Variants in SP3 observed in about 807,000 individuals in gnomAD.
The protein encoded by SP3 is Sp3 transcription factor.
A neutral mutation model predicts 70.3 loss-of-function variants in SP3; 10 were observed. The ratio of observed to expected loss-of-function variants is 0.14; its 90% confidence interval spans 0.09 to 0.24. SP3 has a LOEUF of 0.24. SP3 is among the 10% of genes least tolerant of loss of function. SP3 has a pLI of 1.00. For synonymous variants in SP3, 402 were observed against 333.5 expected, an observed-to-expected ratio of 1.21 and a Z score of -2.24; for missense variants, 825 against 914.6, an observed-to-expected ratio of 0.90 and a Z score of 1.26.
rs1419368594 is a variant in SP3, at chr2:173,902,327, C to A, written c.*7614G>T. Among the ~76,000 whole-genome samples, 1 of 152,084 alleles carries A rather than the reference C, an allele frequency of 6.6e-6. No homozygotes were observed. The highest frequency in any genetic ancestry group is 1.5e-5 in the Non-Finnish European group (1 of 68,028). On this transcript the variant is annotated 3_prime_UTR_variant, in exon 7 of 7. Coordinates refer to ENST00000310015, the MANE Select transcript of SP3 (RefSeq NM_003111.5). ...ATTGGAAAAAACATATCTGCCAAGGCAGGATTGGGAGGGTATGGAAAAAAT... is the reference window on the plus strand; with the variant it reads ...ATTGGAAAAAACATATCTGCCAAGGAAGGATTGGGAGGGTATGGAAAAAAT...
Position 173,965,290 on chromosome 2 carries a change from G to C in SP3, c.-119C>G. On this transcript the variant is annotated 5_prime_UTR_variant, in exon 1 of 7. Coordinates refer to ENST00000310015, the MANE Select transcript of SP3 (RefSeq NM_003111.5). ...CGGCGGACACGGCCGGAGCGGTCCGGGGATTTTTTTTTCCTATTTTGATTG... is the reference window on the plus strand; with the variant it reads ...CGGCGGACACGGCCGGAGCGGTCCGCGGATTTTTTTTTCCTATTTTGATTG... 8.9e-6 allele frequency: 11 copies of C among 1,234,676 alleles called. No homozygotes were observed. Among genetic ancestry groups the C allele is most frequent in the East Asian group, 2.6e-5 (1 of 38,642 alleles). The allele number at this position is 1,234,676 out of a possible 1,614,324, so 76.5% of individuals were successfully genotyped here. A position where few individuals can be genotyped will look rare whatever the true frequency, so the allele number is the denominator to read the frequency against.
At chr2:173,927,438 G>C (rs528201619) in intron 4 of SP3, among the ~76,000 whole-genome samples, 6 of 151,772 alleles carry the variant, frequency 4.0e-5, no homozygotes, top group African/African-American at 1.5e-4. Flanking sequence ...CACCACGCCC[G>C]GCTAATTTTT....
At chr2:173,926,396 T>C (rs1390919360) in intron 4 of SP3, among the ~76,000 whole-genome samples, 1 of 152,180 alleles carries the variant, frequency 6.6e-6, no homozygotes, top group East Asian at 1.9e-4. Flanking sequence ...TATATTTTCT[T>C]CCAGGTTCTA....
Position 173,906,194 on chromosome 2 carries a change from C to T in SP3, c.*3747G>A, listed in dbSNP as rs911024229. Among the ~76,000 whole-genome samples, 6 of 152,166 alleles carry T rather than the reference C, an allele frequency of 3.9e-5. No homozygotes were observed. The highest frequency in any genetic ancestry group is 1.9e-4 in the East Asian group (1 of 5,202). On this transcript the variant is annotated 3_prime_UTR_variant, in exon 7 of 7. Coordinates refer to ENST00000310015, the MANE Select transcript of SP3 (RefSeq NM_003111.5). ...ACATACCACACTGTACCTTTGCAAA[C>T]GCCATTTCTGCTGAGTTTCCCAGAC...
At chr2:173,965,536 C>T (rs915049588), upstream of SP3, 52 of 253,108 alleles carry the variant, frequency 2.1e-4, no homozygotes, top group African/African-American at 4.1e-4. Context: ...GCCGTGGCAG[C>T]GTAGGTTTTC....
chr2:173,964,123 C>T, intron 2 of SP3: 1 of 355,048 alleles, frequency 2.8e-6, no homozygotes, highest in Non-Finnish European at 5.0e-6. Flanking sequence ...CGGCGGGCTG[C>T]GCGCCGGGCC....
At chr2:173,946,315 A>G (rs1690534676) in intron 4 of SP3, among the ~76,000 whole-genome samples, 2 of 146,514 alleles carry the variant, frequency 1.4e-5, no homozygotes, top group Admixed American at 1.4e-4. Context: ...AATATTACTG[A>G]TTTTTTTTTT....
intron 4 of SP3, among the ~76,000 whole-genome samples, chr2:173,937,303 G>A (rs1247772851): frequency 6.6e-6 from 1 of 152,182 alleles, no homozygotes; most frequent in Non-Finnish European, 1.5e-5. Context: ...TTCCACTGCA[G>A]TTTAGTGTGA....
At chr2:173,934,463 G>C (rs1391842777) in intron 4 of SP3, among the ~76,000 whole-genome samples, 1 of 152,054 alleles carries the variant, frequency 6.6e-6, no homozygotes, top group Non-Finnish European at 1.5e-5. Flanking sequence ...ATAAAAAGTA[G>C]GGAGAAAGCA....
intron 4 of SP3, among the ~76,000 whole-genome samples, chr2:173,919,909 T>C (rs1689702067): frequency 1.3e-5 from 2 of 152,144 alleles, no homozygotes; most frequent in African/African-American, 4.8e-5. Flanking sequence ...GTACAAAATT[T>C]ACAGCAATGT....
chr2:173,932,907 G>GC (rs1339944982), intron 4 of SP3, among the ~76,000 whole-genome samples: 1 of 152,104 alleles, frequency 6.6e-6, no homozygotes, highest in Non-Finnish European at 1.5e-5. Context: ...CAGGAGAATG[G>GC]CCTGAATCCC....
intron 4 of SP3, among the ~76,000 whole-genome samples, chr2:173,946,539 A>G (rs1202578960): frequency 5.9e-5 from 9 of 152,052 alleles, no homozygotes; most frequent in Admixed American, 5.9e-4. Flanking sequence ...ACTTAATCCT[A>G]CAGTAGTCAG....
chr2:173,933,638 T>TCATATATATATATATATA (rs71405167), intron 4 of SP3, among the ~76,000 whole-genome samples: 1 of 86,566 alleles, frequency 1.2e-5, no homozygotes, highest in African/African-American at 4.2e-5. Flanking sequence ...TTATAAAACT[T>TCATATATATATATATATA]TATATATATA....
In SP3 at chr2:173,917,967, T is replaced by C. The variant is rs113380305; in HGVS notation, c.1832+626A>G. Among the ~76,000 whole-genome samples, 173 of 151,970 alleles carry C rather than the reference T, an allele frequency of 1.1e-3. 3 individuals are homozygous for C. The highest frequency in any genetic ancestry group is 4.0e-3 in the African/African-American group (165 of 41,504). On this transcript the variant is annotated intron_variant, in intron 5 of 6. Transcript: ENST00000310015. ...TGCCAATTATTTCAGGTGTTCTTTA[T>C]AATTAACATCAGTCTGGATCTTGTT...
chr2:173,944,574 G>C (rs560990496), intron 4 of SP3, among the ~76,000 whole-genome samples: 2 of 152,286 alleles, frequency 1.3e-5, no homozygotes, highest in East Asian at 3.9e-4. Context: ...CCACTAAAAT[G>C]ATGAGGCAGT....
intron 3 of SP3, among the ~76,000 whole-genome samples, chr2:173,960,353 C>A (rs371240176): frequency 6.6e-6 from 1 of 151,958 alleles, no homozygotes; most frequent in Non-Finnish European, 1.5e-5. Flanking sequence ...AATGCCTTTA[C>A]GAAAGCCAGA....
At chr2:173,964,874 T>C (rs1436789070) in intron 1 of SP3, 2 of 492,488 alleles carry the variant, frequency 4.1e-6, no homozygotes, top group Non-Finnish European at 7.1e-6. Context: ...TCTCGCACCG[T>C]CAGTCACTCA....
At chr2:173,921,946 C>T (rs762004422) in intron 4 of SP3, among the ~76,000 whole-genome samples, 13 of 152,150 alleles carry the variant, frequency 8.5e-5, no homozygotes, top group African/African-American at 2.4e-4. Context: ...TACCATGTGA[C>T]GTGCCCATTC....
intron 4 of SP3, 145 bp downstream of exon 4, chr2:173,954,728 C>A (rs762759235): frequency 1.1e-5 from 8 of 746,080 alleles, no homozygotes; most frequent in Non-Finnish European, 1.7e-5. Context: ...ACTTTGATGT[C>A]TACTTTCATA....
Sources: gnomAD v4.1 joint callset for allele counts (sites outside exome capture counted in the v4.1 genomes callset) on GRCh38, gnomAD v4.1.1 for gene constraint, MANE v1.5 for transcripts, NCBI Gene and HGNC (gene_info 2026-07-23, HGNC 2026-07-21) for gene names.